ARPC2: variants seen among roughly 807,000 people sequenced by gnomAD.
ARPC2 encodes the protein actin related protein 2/3 complex subunit 2, also known as actin-related protein 2/3 complex subunit 2.
Under a neutral mutation model 38.6 loss-of-function variants are expected in ARPC2, and 4 were observed. The observed-to-expected ratio is 0.10, with a 90% CI of 0.05 to 0.24. ARPC2 has a LOEUF of 0.24. ARPC2 is among the 10% of genes least tolerant of loss of function. The probability of loss-of-function intolerance (pLI) is 1.00; values close to 1 mark genes in which losing one functional copy is unlikely to be tolerated. For synonymous variants in ARPC2, 125 were observed against 140.8 expected, an observed-to-expected ratio of 0.89 and a Z score of 0.79; for missense variants, 229 against 387.3, an observed-to-expected ratio of 0.59 and a Z score of 3.43.
intron 5 of ARPC2, 56 bp from the exon 6 acceptor site, chr2:218,238,608 T>C: frequency 1.1e-6 from 1 of 952,186 alleles, no homozygotes; most frequent in Non-Finnish European, 1.5e-6. Flanking sequence ...TTTTTTTTTT[T>C]TTTTAAATGT....
intron 7 of ARPC2, among the ~76,000 whole-genome samples, chr2:218,239,738 C>T (rs1206756709): frequency 6.6e-6 from 1 of 151,822 alleles, no homozygotes; most frequent in Non-Finnish European, 1.5e-5. Context: ...GGATTGTAGG[C>T]ATGCACCACC....
intron 8 of ARPC2, among the ~76,000 whole-genome samples, chr2:218,247,311 A>G (rs544621912): frequency 1.3e-5 from 2 of 152,294 alleles, no homozygotes; most frequent in South Asian, 2.1e-4. Context: ...GCTGATTATG[A>G]TAGCTTACAG....
At chr2:218,243,823 G>T (rs1241070114) in intron 7 of ARPC2, among the ~76,000 whole-genome samples, 1 of 152,136 alleles carries the variant, frequency 6.6e-6, no homozygotes, top group Admixed American at 6.5e-5. Flanking sequence ...ATCGTTGACC[G>T]AGCCTTAAAT....
intron 7 of ARPC2, among the ~76,000 whole-genome samples, chr2:218,240,255 A>G (rs1689881710): frequency 1.3e-5 from 2 of 152,096 alleles, no homozygotes; most frequent in Non-Finnish European, 2.9e-5. Flanking sequence ...GCCCAGCCTG[A>G]TATTTTTTTT....
chr2:218,228,669 A>C, intron 3 of ARPC2, 69 bp from the exon 4 acceptor site: 1 of 927,726 alleles, frequency 1.1e-6, no homozygotes, highest in South Asian at 1.4e-5. Context: ...GCCTACGGCA[A>C]GGTAGGCGCT....
chr2:218,245,044 C>T (rs1296832597), intron 7 of ARPC2, among the ~76,000 whole-genome samples: 1 of 152,132 alleles, frequency 6.6e-6, no homozygotes, highest in Non-Finnish European at 1.5e-5. Flanking sequence ...TAAGTTTGCT[C>T]TAAAGATTTT....
At chr2:218,244,529 T>A (rs933748104) in intron 7 of ARPC2, among the ~76,000 whole-genome samples, 17 of 152,266 alleles carry the variant, frequency 1.1e-4, no homozygotes, top group African/African-American at 4.1e-4. Flanking sequence ...GATCTTTGAT[T>A]TGAACTCATA....
At chr2:218,251,744 C>T (rs1247988075) in intron 10 of ARPC2, among the ~76,000 whole-genome samples, 1 of 152,200 alleles carries the variant, frequency 6.6e-6, no homozygotes, top group East Asian at 1.9e-4. Flanking sequence ...TGAGCCACCA[C>T]ACCTGGCCCA....
chr2:218,241,188 T>G (rs540324658), intron 7 of ARPC2, among the ~76,000 whole-genome samples: 2 of 152,308 alleles, frequency 1.3e-5, no homozygotes, highest in South Asian at 4.1e-4. Context: ...CCAAATAGAG[T>G]TGAAAGACAG....
chr2:218,249,792 GCTTTAGTA>G (rs780025595), intron 9 of ARPC2, 21 bp from the exon 10 acceptor site: 1 of 1,585,824 alleles, frequency 6.3e-7, no homozygotes, highest in Non-Finnish European at 8.6e-7. Flanking sequence ...CCATGACTGT[GCTTTAGTA>G]CCTGTTATGT....
intron 3 of ARPC2, 78 bp from the exon 4 acceptor site, chr2:218,228,660 C>G: frequency 1.2e-6 from 1 of 819,406 alleles, no homozygotes; most frequent in Non-Finnish European, 2.0e-6. Context: ...TTCCTTGTGG[C>G]CTACGGCAAG....
In ARPC2 at chr2:218,249,895, C is replaced by T. The variant is rs370360135; in HGVS notation, c.852C>T (p.Ala284=). 64 of 1,612,850 alleles carry T rather than the reference C, an allele frequency of 4.0e-5. No homozygotes were observed. The highest frequency in any genetic ancestry group is 8.0e-5 in the African/African-American group (6 of 74,866). The change falls in exon 10 of 11, where the codon GCC becomes GCT. Residue 284 remains alanine (A), a synonymous_variant. Transcript: ENST00000315717. Reference sequence around the variant, plus strand: ...TGCTGAACCGCGCACGCCCAGATGCCGAGAAAAAAGAAATGAAAACAATCA... The same window carrying T: ...TGCTGAACCGCGCACGCCCAGATGCTGAGAAAAAAGAAATGAAAACAATCA... ...LKVLNRARPD[A]EKKEMKTITG...
chr2:218,223,474 TA>T (rs928043054), intron 2 of ARPC2, among the ~76,000 whole-genome samples: 4 of 152,166 alleles, frequency 2.6e-5, no homozygotes, highest in African/African-American at 9.7e-5. Flanking sequence ...TTCCTTTAAG[TA>T]AAAAAAGTGA....
chr2:218,229,818 A>G lies in ARPC2; in HGVS notation c.222+968A>G, dbSNP rs538163576. Among the ~76,000 whole-genome samples, 28 of 152,372 alleles carry G rather than the reference A, an allele frequency of 1.8e-4. No individual in the cohort carries two copies. The East Asian group carries it at 5.2e-3, about 28-fold the overall frequency. ...AGAAGAAATATTTAGAGGATTTGGAATCCAGATTAGTTTACTGGAAAAAGA... is the reference window on the plus strand; with the variant it reads ...AGAAGAAATATTTAGAGGATTTGGAGTCCAGATTAGTTTACTGGAAAAAGA... On this transcript the variant is annotated intron_variant, in intron 4 of 10. Coordinates refer to ENST00000315717, the MANE Select transcript of ARPC2 (RefSeq NM_152862.3).
chr2:218,219,978 A>G (rs1435145946), intron 2 of ARPC2, among the ~76,000 whole-genome samples: 1 of 152,210 alleles, frequency 6.6e-6, no homozygotes, highest in Admixed American at 6.5e-5. Flanking sequence ...GTGCATGCCT[A>G]TTCCAGAACT....
chr2:218,221,712 G>A (rs992818160), intron 2 of ARPC2, among the ~76,000 whole-genome samples: 5 of 152,170 alleles, frequency 3.3e-5, no homozygotes, highest in Non-Finnish European at 5.9e-5. Flanking sequence ...TGTTTCTTTA[G>A]GAGCTGACAT....
intron 8 of ARPC2, among the ~76,000 whole-genome samples, chr2:218,246,420 C>T (rs370758462): frequency 5.9e-5 from 9 of 152,124 alleles, no homozygotes; most frequent in African/African-American, 1.9e-4. Context: ...ATCCCAGCTA[C>T]TCGGGAGGCT....
In ARPC2 at chr2:218,228,836, C is replaced by A; in HGVS notation, c.208C>A (p.His70Asn). The A allele has an allele frequency of 6.3e-7, 1 of 1,595,844 alleles. No individual in the cohort carries two copies. Among genetic ancestry groups the A allele is most frequent in the Non-Finnish European group, 8.6e-7 (1 of 1,163,550 alleles). ...SLKFYKELQA[H>N]GADELLKRVY... is the part of the protein sequence containing the mutation. ...GAAATTCTACAAGGAACTTCAGGCA[C>A]ATGGTGCTGATGAGGTAAGATCCAC... Residue 70 changes from histidine to asparagine, a missense_variant, in exon 4 of 11, where the codon CAT becomes AAT. Transcript: ENST00000315717.
intron 2 of ARPC2, among the ~76,000 whole-genome samples, chr2:218,223,021 G>A (rs1011250304): frequency 3.9e-5 from 6 of 152,126 alleles, no homozygotes; most frequent in Non-Finnish European, 7.3e-5. Flanking sequence ...TAAGGGATAT[G>A]GGGATCATTA....
Sources: allele counts gnomAD v4.1 joint callset (sites outside exome capture counted in the v4.1 genomes callset), GRCh38; gene constraint gnomAD v4.1.1; transcripts MANE v1.5; gene names NCBI Gene and HGNC (gene_info 2026-07-23, HGNC 2026-07-21).